PTPRD: variants seen among roughly 807,000 people sequenced by gnomAD.
PTPRD encodes the protein receptor-type tyrosine-protein phosphatase delta.
In PTPRD, 34 loss-of-function variants were observed where a neutral mutation model predicts 214.5. That is an observed-to-expected ratio of 0.16 (90% CI 0.12 to 0.21). The LOEUF is 0.21. Among genes scored for constraint, PTPRD ranks in the 10% least tolerant of loss-of-function variants. The pLI, the probability that PTPRD is intolerant of heterozygous loss-of-function variation, is 1.00. For synonymous variants in PTPRD, 1,128 were observed against 845.7 expected (o/e 1.33, Z -5.79); for missense variants, 2,545 against 2,398.7 (o/e 1.06, Z -1.27).
chr9:10,259,054 A>G (rs762769821), intron 3 of PTPRD, among the ~76,000 whole-genome samples: 4 of 151,518 alleles, frequency 2.6e-5, no homozygotes, highest in Non-Finnish European at 5.9e-5. Flanking sequence ...ACGGAGTCTC[A>G]CTCTGTCGCC....
chr9:8,453,992 G>A (rs1457119996), intron 33 of PTPRD, among the ~76,000 whole-genome samples: 2 of 152,172 alleles, frequency 1.3e-5, no homozygotes, highest in Admixed American at 6.5e-5. Flanking sequence ...TGAATATATA[G>A]ATATGAGTTA....
chr9:10,442,571 A>C (rs1293788354), intron 2 of PTPRD, among the ~76,000 whole-genome samples: 1 of 151,660 alleles, frequency 6.6e-6, no homozygotes, highest in African/African-American at 2.4e-5. Context: ...CCAGATAGGT[A>C]AATTAACAAA....
intron 3 of PTPRD, among the ~76,000 whole-genome samples, chr9:10,299,512 G>C (rs1223342567): frequency 6.6e-6 from 1 of 152,130 alleles, no homozygotes; most frequent in South Asian, 2.1e-4. Context: ...TTCTAGAAAT[G>C]TGTGTAGGAG....
chr9:10,111,880 G>T (rs903186903), intron 3 of PTPRD, among the ~76,000 whole-genome samples: 20 of 152,114 alleles, frequency 1.3e-4, no homozygotes, highest in African/African-American at 4.8e-4. Flanking sequence ...TGGAAAGATT[G>T]CATACATAAA....
intron 11 of PTPRD, among the ~76,000 whole-genome samples, chr9:9,011,997 C>A (rs1418031040): frequency 3.3e-5 from 5 of 152,128 alleles, no homozygotes; most frequent in Non-Finnish European, 5.9e-5. Context: ...TTATATAAGC[C>A]TCCACCTTGC....
At chr9:9,149,856 C>G (rs2099875150) in intron 10 of PTPRD, among the ~76,000 whole-genome samples, 1 of 152,184 alleles carries the variant, frequency 6.6e-6, no homozygotes, top group South Asian at 2.1e-4. Flanking sequence ...TGAGGCAACT[C>G]CAATGCCTGA....
At chr9:9,719,272 T>C (rs997820078) in intron 7 of PTPRD, among the ~76,000 whole-genome samples, 1 of 152,156 alleles carries the variant, frequency 6.6e-6, no homozygotes, top group African/African-American at 2.4e-5. Flanking sequence ...CTCTCCACCA[T>C]GTTCAACCTC....
At position 8,718,567 on chromosome 9, in the gene PTPRD, C is replaced by T. The variant is rs528280051; in HGVS notation, c.64+15213G>A. On this transcript the variant is annotated intron_variant, in intron 12 of 45. Coordinates refer to ENST00000381196, the MANE Select transcript of PTPRD (RefSeq NM_002839.4). ...TCTCACTCTTTCCCCTGAGAGTTTA[C>T]ACCATAGTTGAATAGACTTAACTAT... Among the ~76,000 whole-genome samples the T allele has an allele frequency of 4.1e-4, 63 of 152,298 alleles. 1 individual carries two copies. The South Asian group carries it at 0.01, about 25-fold the overall frequency.
intron 12 of PTPRD, among the ~76,000 whole-genome samples, chr9:8,714,709 G>A (rs150038316): frequency 9.5e-4 from 144 of 152,018 alleles, no homozygotes; most frequent in African/African-American, 3.4e-3. Flanking sequence ...TTGCTTAAAT[G>A]TCACTTTCTC....
chr9:9,779,580 G>T (rs1219457405), intron 5 of PTPRD, among the ~76,000 whole-genome samples: 1 of 151,952 alleles, frequency 6.6e-6, no homozygotes, highest in African/African-American at 2.4e-5. Context: ...AGACAAACAG[G>T]CAGCCAAGAA....
intron 14 of PTPRD, among the ~76,000 whole-genome samples, chr9:8,585,121 C>T (rs2154257564): frequency 6.6e-6 from 1 of 152,136 alleles, no homozygotes; most frequent in African/African-American, 2.4e-5. Context: ...TACTTTAAGG[C>T]TCAAATGAAT....
At chr9:8,659,813 T>C (rs1044928253) in intron 12 of PTPRD, among the ~76,000 whole-genome samples, 3 of 152,210 alleles carry the variant, frequency 2.0e-5, no homozygotes, top group African/African-American at 7.2e-5. Context: ...ACAATTAATA[T>C]CAACGTTCTC....
chr9:8,749,670 C>G (rs7040177), intron 11 of PTPRD, among the ~76,000 whole-genome samples: 1 of 152,104 alleles, frequency 6.6e-6, no homozygotes, highest in African/African-American at 2.4e-5. Flanking sequence ...TGTAAACCAT[C>G]TACATTAAAG....
At chr9:10,258,314 T>C (rs552118681) in intron 3 of PTPRD, among the ~76,000 whole-genome samples, 74 of 152,244 alleles carry the variant, frequency 4.9e-4, no homozygotes, top group Middle Eastern at 6.8e-3. Context: ...TGAGGGCTTT[T>C]GGGAGGGTGA....
chr9:9,785,838 C>T (rs2098919231), intron 5 of PTPRD, among the ~76,000 whole-genome samples: 1 of 151,980 alleles, frequency 6.6e-6, no homozygotes, highest in Non-Finnish European at 1.5e-5. Flanking sequence ...GGGGTACATA[C>T]AAAAGGTACC....
At chr9:9,834,934 TG>T (rs2056287217) in intron 5 of PTPRD, among the ~76,000 whole-genome samples, 1 of 151,946 alleles carries the variant, frequency 6.6e-6, no homozygotes, top group African/African-American at 2.4e-5. Flanking sequence ...CAGGTACTTT[TG>T]TTTTTTTTTT....
chr9:9,937,469 A>T (rs1049546794), intron 5 of PTPRD, among the ~76,000 whole-genome samples: 1 of 151,606 alleles, frequency 6.6e-6, no homozygotes, highest in Admixed American at 6.6e-5. Context: ...ATTAGAAAAA[A>T]TATTTTATAA....
chr9:10,004,153 G>C (rs1015653760), intron 4 of PTPRD, among the ~76,000 whole-genome samples: 4 of 151,752 alleles, frequency 2.6e-5, no homozygotes, highest in Admixed American at 2.0e-4. Context: ...ACATAGAAAG[G>C]TTTTAAGTTT....
intron 3 of PTPRD, among the ~76,000 whole-genome samples, chr9:10,055,036 T>C (rs955936671): frequency 2.0e-5 from 3 of 152,052 alleles, no homozygotes; most frequent in African/African-American, 7.2e-5. Context: ...CCCTCTCTTT[T>C]TCTATCTCTC....
Sources: gnomAD v4.1 joint callset for allele counts (sites outside exome capture counted in the v4.1 genomes callset) on GRCh38, gnomAD v4.1.1 for gene constraint, MANE v1.5 for transcripts, NCBI Gene and HGNC (gene_info 2026-07-23, HGNC 2026-07-21) for gene names.